The following WASF1 variants were observed in gnomAD, a reference collection of about 807,000 sequenced individuals.
WASF1 encodes WASP family member 1.
A neutral mutation model predicts 50.5 loss-of-function variants in WASF1; 7 were observed. The observed-to-expected ratio is 0.14, with a 90% confidence interval of 0.08 to 0.26. WASF1 has a LOEUF of 0.26. Among genes scored for constraint, WASF1 ranks in the 10% least tolerant of loss-of-function variants. WASF1 has a pLI of 1.00. For synonymous variants in WASF1, 205 were observed against 244.0 expected (o/e 0.84, Z 1.49); for missense variants, 470 against 694.7 (o/e 0.68, Z 3.64).
chr6:110,170,745 A>C (rs1198051463), intron 2 of WASF1, among the ~76,000 whole-genome samples: 1 of 152,140 alleles, frequency 6.6e-6, no homozygotes, highest in Non-Finnish European at 1.5e-5. Context: ...AAAGTAAAGA[A>C]ATGGAGAAAG....
Position 110,166,746 on chromosome 6 carries a change from A to T in WASF1, c.-126-6014T>A, listed in dbSNP as rs186848344. Among the ~76,000 whole-genome samples the T allele has an allele frequency of 7.5e-3, 1,139 of 152,004 alleles. 8 individuals carry two copies. The highest frequency in any genetic ancestry group is 0.017 in the Middle Eastern group (5 of 294). ...TGAATCTTGGCTCTGCCATTTACAAACTGTGCAAAGAATCTTAACTTCTCC... is the reference window on the plus strand; with the variant it reads ...TGAATCTTGGCTCTGCCATTTACAATCTGTGCAAAGAATCTTAACTTCTCC... On this transcript the variant is annotated intron_variant, in intron 2 of 10. Transcript: ENST00000392589.
At chr6:110,115,209 G>GAA (rs752070822) in intron 4 of WASF1, among the ~76,000 whole-genome samples, 6 of 139,160 alleles carry the variant, frequency 4.3e-5, no homozygotes, top group South Asian at 2.3e-4. Flanking sequence ...TCCTATTCCA[G>GAA]AAAAAAAAAA....
chr6:110,178,891 G>T (rs534876198), intron 1 of WASF1, 149 bp from the exon 2 acceptor site: 1 of 152,590 alleles, frequency 6.6e-6, no homozygotes, highest in South Asian at 2.1e-4. Flanking sequence ...CCCATGAACA[G>T]GCACCAGAAG....
intron 3 of WASF1, among the ~76,000 whole-genome samples, chr6:110,145,177 C>A (rs1178713333): frequency 1.3e-5 from 2 of 152,124 alleles, no homozygotes; most frequent in Non-Finnish European, 2.9e-5. Flanking sequence ...TCCTTCACAT[C>A]CCTTGCAAGT....
chr6:110,146,654 G>A (rs948207996), intron 3 of WASF1, among the ~76,000 whole-genome samples: 1 of 151,978 alleles, frequency 6.6e-6, no homozygotes, highest in Admixed American at 6.6e-5. Flanking sequence ...AAGTGTATCA[G>A]AAACAGAATT....
At chr6:110,145,693 C>T (rs1004411896) in intron 3 of WASF1, among the ~76,000 whole-genome samples, 2 of 152,012 alleles carry the variant, frequency 1.3e-5, no homozygotes, top group African/African-American at 4.8e-5. Flanking sequence ...TTGTCAAAGG[C>T]CTTTTCTGCA....
At chr6:110,168,003 C>A (rs1776546514) in intron 2 of WASF1, among the ~76,000 whole-genome samples, 1 of 151,982 alleles carries the variant, frequency 6.6e-6, no homozygotes, top group South Asian at 2.1e-4. Flanking sequence ...AGTTCCCTAG[C>A]CTTAAAATTT....
rs759852437 is a variant in WASF1 at position 110,160,679 on chromosome 6, T to G, written c.-73A>C. 4.0e-5 allele frequency: 6 copies of G among 151,774 alleles called. No individual in the cohort carries two copies. Among genetic ancestry groups the G allele is most frequent in the Non-Finnish European group, 5.9e-5 (4 of 67,772 alleles). 9.4% of individuals were successfully genotyped at this position (151,774 alleles called of 1,614,324 possible). ...TTGCAGCCATAGCTTCCACTGCAACTTTACTCCAACAGCTATCATCAACAG... is the reference window on the plus strand; with the variant it reads ...TTGCAGCCATAGCTTCCACTGCAACGTTACTCCAACAGCTATCATCAACAG... On this transcript the variant is annotated 5_prime_UTR_variant, in exon 3 of 11. Coordinates refer to ENST00000392589, the MANE Select transcript of WASF1 (RefSeq NM_003931.3).
intron 2 of WASF1, among the ~76,000 whole-genome samples, chr6:110,172,048 A>G (rs182695344): frequency 2.2e-3 from 330 of 152,140 alleles, no homozygotes; most frequent in Non-Finnish European, 4.1e-3. Context: ...TGCTGGAGAG[A>G]ATGTGGAGAA....
chr6:110,164,238 T>C (rs2114608720), intron 2 of WASF1, among the ~76,000 whole-genome samples: 1 of 151,732 alleles, frequency 6.6e-6, no homozygotes, highest in East Asian at 1.9e-4. Context: ...TTCTGCTCTG[T>C]TAAGACAATG....
chr6:110,124,847 T>G (rs533773657), intron 4 of WASF1, among the ~76,000 whole-genome samples: 1 of 152,152 alleles, frequency 6.6e-6, no homozygotes, highest in South Asian at 2.1e-4. Context: ...GAGGTGGAGT[T>G]TGTAGTGAGC....
chr6:110,112,708 G>A (rs1326976773), intron 5 of WASF1, among the ~76,000 whole-genome samples: 3 of 151,616 alleles, frequency 2.0e-5, no homozygotes, highest in Non-Finnish European at 4.4e-5. Flanking sequence ...GAGACCAGCC[G>A]GACCAACATG....
intron 4 of WASF1, among the ~76,000 whole-genome samples, 156 bp from the exon 5 acceptor site, chr6:110,113,616 T>C (rs755239327): frequency 1.1e-4 from 17 of 152,138 alleles, no homozygotes; most frequent in Non-Finnish European, 2.1e-4. Context: ...TGGTGACCTG[T>C]TGAATTTGGA....
At chr6:110,141,096 A>C (rs974485865) in intron 3 of WASF1, among the ~76,000 whole-genome samples, 7 of 152,292 alleles carry the variant, frequency 4.6e-5, no homozygotes, top group African/African-American at 1.7e-4. Context: ...CTGGTAACTA[A>C]AACCACAGAA....
rs974181756 is a variant in WASF1, at chr6:110,110,297, A to T, written c.269-1616T>A. ...ATAAACAGCAGAGCCAGAACAGAAA[A>T]GTCAGATCTGTCTACCTTTGAGGCT... On this transcript the variant is annotated intron_variant, in intron 5 of 10. Coordinates refer to ENST00000392589, the MANE Select transcript of WASF1 (RefSeq NM_003931.3). Among the ~76,000 whole-genome samples, 10 of 152,356 alleles carry T rather than the reference A, an allele frequency of 6.6e-5. No homozygotes were observed. In the East Asian group the frequency reaches 1.3e-3, roughly 21 times the overall value.
intron 3 of WASF1, among the ~76,000 whole-genome samples, chr6:110,148,080 A>G (rs1354565154): frequency 5.3e-5 from 8 of 152,210 alleles, no homozygotes; most frequent in African/African-American, 1.4e-4. Context: ...AAAAGATGTT[A>G]AAATTGAAGT....
chr6:110,159,692 T>C (rs1294090015), intron 3 of WASF1, among the ~76,000 whole-genome samples: 2 of 151,894 alleles, frequency 1.3e-5, no homozygotes, highest in Non-Finnish European at 2.9e-5. Flanking sequence ...ACTGCATACA[T>C]GTAATGAGAT....
intron 5 of WASF1, among the ~76,000 whole-genome samples, chr6:110,112,794 G>A (rs1015794270): frequency 1.3e-5 from 2 of 151,614 alleles, no homozygotes; most frequent in Admixed American, 6.6e-5. Context: ...CAGCTACTCA[G>A]GAGGCTGAGG....
intron 3 of WASF1, among the ~76,000 whole-genome samples, chr6:110,130,683 ATG>A (rs922002975): frequency 2.4e-4 from 36 of 152,344 alleles, no homozygotes; most frequent in African/African-American, 8.4e-4. Flanking sequence ...ATTCATGCAC[ATG>A]TGTCTTAGTG....
Sources: allele counts gnomAD v4.1 joint callset (sites outside exome capture counted in the v4.1 genomes callset), GRCh38; gene constraint gnomAD v4.1.1; transcripts MANE v1.5; gene names NCBI Gene and HGNC (gene_info 2026-07-23, HGNC 2026-07-21).